Variants in CENPQ observed in about 807,000 individuals in gnomAD.
CENPQ encodes chromosome 6 open reading frame 139.
Under a neutral mutation model 36.6 loss-of-function variants are expected in CENPQ, and 27 were observed. That is an observed-to-expected ratio of 0.74 (90% CI 0.54 to 1.02). CENPQ has a LOEUF of 1.02. Among genes scored for constraint, CENPQ ranks in the 50% least tolerant of loss-of-function variants. The probability of loss-of-function intolerance (pLI) is 0.00; values close to 1 mark genes in which losing one functional copy is unlikely to be tolerated. For missense variants in CENPQ, 306 were observed against 301.8 expected (o/e 1.01, Z -0.10); for synonymous variants, 101 against 101.7 (o/e 0.99, Z 0.04).
chr6:49,468,359 G>A (rs549919450), intron 1 of CENPQ, among the ~76,000 whole-genome samples: 30 of 152,126 alleles, frequency 2.0e-4, no homozygotes, highest in South Asian at 8.3e-4. Flanking sequence ...TTGGGAGACC[G>A]AGGCAGGAGG....
rs1419335114 is a variant in CENPQ, at chr6:49,472,931, T to C, written c.347+73T>C. On this transcript the variant is annotated intron_variant, in intron 5 of 8. Transcript: ENST00000335783. ...CCTGACTTCTTTCTATGTTGCCAAATAGACACTTGTGGAATGTAAGTTTTT... is the reference window on the plus strand; with the variant it reads ...CCTGACTTCTTTCTATGTTGCCAAACAGACACTTGTGGAATGTAAGTTTTT... 39 of 1,078,900 alleles carry C rather than the reference T, an allele frequency of 3.6e-5. No individual in the cohort carries two copies. The South Asian group carries it at 8.2e-4, about 23-fold the overall frequency. The allele number at this position is 1,078,900 out of a possible 1,614,324, so 66.8% of individuals were successfully genotyped here. A position where few individuals can be genotyped will look rare whatever the true frequency, so the allele number is the denominator to read the frequency against.
chr6:49,471,280 G>T (rs1377705699), intron 3 of CENPQ, among the ~76,000 whole-genome samples: 1 of 152,164 alleles, frequency 6.6e-6, no homozygotes, highest in Non-Finnish European at 1.5e-5. Flanking sequence ...AACTCAAAGT[G>T]GCCCACAGCC....
intron 4 of CENPQ, 102 bp downstream of exon 4, chr6:49,472,285 G>A: frequency 4.4e-6 from 4 of 907,224 alleles, no homozygotes; most frequent in African/African-American, 3.5e-5. Context: ...AGGTAATAGA[G>A]TATATTTCTA....
At chr6:49,476,231 G>A (rs1372165315) in intron 5 of CENPQ, among the ~76,000 whole-genome samples, 1 of 152,080 alleles carries the variant, frequency 6.6e-6, no homozygotes, top group Non-Finnish European at 1.5e-5. Context: ...CAGAGATAGA[G>A]ACCAATGGAA....
chr6:49,477,240 A>T (rs918062697), intron 5 of CENPQ, among the ~76,000 whole-genome samples: 3 of 152,168 alleles, frequency 2.0e-5, no homozygotes, highest in Non-Finnish European at 2.9e-5. Flanking sequence ...CTATGCAGCC[A>T]TAAGAAAGGA....
intron 8 of CENPQ, among the ~76,000 whole-genome samples, chr6:49,491,272 G>A (rs1768717071): frequency 6.6e-6 from 1 of 152,172 alleles, no homozygotes; most frequent in Non-Finnish European, 1.5e-5. Context: ...TGTCAGTCAC[G>A]TAGATCTCTC....
At chr6:49,472,576 T>C (rs1259558941) in intron 4 of CENPQ, among the ~76,000 whole-genome samples, 2 of 152,174 alleles carry the variant, frequency 1.3e-5, no homozygotes, top group African/African-American at 4.8e-5. Flanking sequence ...GCCAGGCATG[T>C]AACTTATTAC....
intron 1 of CENPQ, among the ~76,000 whole-genome samples, chr6:49,468,740 C>T (rs1032383825): frequency 7.2e-5 from 11 of 152,286 alleles, no homozygotes; most frequent in African/African-American, 2.4e-4. Context: ...GACAAGGGAA[C>T]ATAGACCTTA....
At chr6:49,467,940 A>G (rs1768040044) in intron 1 of CENPQ, among the ~76,000 whole-genome samples, 1 of 152,192 alleles carries the variant, frequency 6.6e-6, no homozygotes, top group South Asian at 2.1e-4. Flanking sequence ...GAAATCATCA[A>G]ATCTAGCTAG....
chr6:49,470,622 CAAAAAAAAAAAA>C (rs1199878940), intron 2 of CENPQ, among the ~76,000 whole-genome samples: 36 of 66,378 alleles, frequency 5.4e-4, no homozygotes, highest in African/African-American at 2.0e-3. Flanking sequence ...GACTCCGTCT[CAAAAAAAAAAAA>C]AAAAAAAAAA....
intron 1 of CENPQ, among the ~76,000 whole-genome samples, chr6:49,469,624 T>G (rs1768080689): frequency 6.6e-6 from 1 of 152,216 alleles, no homozygotes; most frequent in African/African-American, 2.4e-5. Flanking sequence ...GATTGCAGTT[T>G]AAATTCTTAA....
intron 5 of CENPQ, among the ~76,000 whole-genome samples, chr6:49,476,320 G>C (rs559841665): frequency 1.7e-4 from 26 of 152,194 alleles, no homozygotes; most frequent in African/African-American, 6.3e-4. Context: ...ACAAGCAATG[G>C]GGAAAGGATT....
intron 6 of CENPQ, among the ~76,000 whole-genome samples, chr6:49,485,641 A>C (rs1202134576): frequency 6.6e-6 from 1 of 152,210 alleles, no homozygotes; most frequent in Non-Finnish European, 1.5e-5. Context: ...ATGTAAGTAG[A>C]GAATTCAAGA....
At chr6:49,490,440 G>A (rs1199685446) in intron 8 of CENPQ, among the ~76,000 whole-genome samples, 1 of 152,226 alleles carries the variant, frequency 6.6e-6, no homozygotes, top group Non-Finnish European at 1.5e-5. Flanking sequence ...TTAAGGGAAT[G>A]TCGTGGCTGG....
chr6:49,475,155 T>C (rs1768253296), intron 5 of CENPQ, among the ~76,000 whole-genome samples: 1 of 152,190 alleles, frequency 6.6e-6, no homozygotes, highest in Non-Finnish European at 1.5e-5. Flanking sequence ...CCGATATCCC[T>C]GATGAACATT....
intron 5 of CENPQ, among the ~76,000 whole-genome samples, chr6:49,477,808 G>A (rs1213210507): frequency 6.6e-6 from 1 of 152,020 alleles, no homozygotes. Flanking sequence ...ATTGCTTAAA[G>A]GTATAGCAGC....
chr6:49,477,235 CA>C (rs1275332326), intron 5 of CENPQ, among the ~76,000 whole-genome samples: 3 of 152,126 alleles, frequency 2.0e-5, no homozygotes, highest in Non-Finnish European at 4.4e-5. Flanking sequence ...GAATACTATG[CA>C]GCCATAAGAA....
chr6:49,475,189 AC>A (rs1768254428), intron 5 of CENPQ, among the ~76,000 whole-genome samples: 1 of 152,212 alleles, frequency 6.6e-6, no homozygotes, highest in Non-Finnish European at 1.5e-5. Context: ...TCAATAAAAT[AC>A]TGGCAAACCA....
chr6:49,472,380 G>A (rs906289941), intron 4 of CENPQ, among the ~76,000 whole-genome samples, 197 bp downstream of exon 4: 3 of 152,148 alleles, frequency 2.0e-5, no homozygotes, highest in East Asian at 1.9e-4. Flanking sequence ...AAATTCCATC[G>A]GTGAAATAAA....
Sources: gnomAD v4.1 joint callset for allele counts (sites outside exome capture counted in the v4.1 genomes callset) on GRCh38, gnomAD v4.1.1 for gene constraint, MANE v1.5 for transcripts, NCBI Gene and HGNC (gene_info 2026-07-23, HGNC 2026-07-21) for gene names.